ABLIM3: variants seen among roughly 807,000 people sequenced by gnomAD.
The protein encoded by ABLIM3 is actin binding LIM protein family member 3.
A neutral mutation model predicts 109.5 loss-of-function variants in ABLIM3; 61 were observed. The observed-to-expected ratio is 0.56, with a 90% CI of 0.45 to 0.69. ABLIM3 has a LOEUF of 0.69. Among genes scored for constraint, ABLIM3 ranks in the 30% least tolerant of loss-of-function variants. ABLIM3 has a pLI of 0.00. For missense variants in ABLIM3, 796 were observed against 889.5 expected, an observed-to-expected ratio of 0.89 and a Z score of 1.34; for synonymous variants, 300 against 324.8, an observed-to-expected ratio of 0.92 and a Z score of 0.82.
At chr5:149,229,655 T>C (rs966604791) in intron 8 of ABLIM3, among the ~76,000 whole-genome samples, 16 of 152,262 alleles carry the variant, frequency 1.1e-4, no homozygotes, top group Non-Finnish European at 2.1e-4. Context: ...ATCTGGATGC[T>C]CAGGAATCCA....
At chr5:149,233,172 T>C in intron 9 of ABLIM3, 57 bp from the exon 10 acceptor site, 1 of 1,530,868 alleles carries the variant, frequency 6.5e-7, no homozygotes. Context: ...TGTCTCACCC[T>C]CCCCACCAAG....
chr5:149,175,695 G>T (rs143914275), intron 2 of ABLIM3, among the ~76,000 whole-genome samples: 2 of 152,280 alleles, frequency 1.3e-5, no homozygotes, highest in East Asian at 3.9e-4. Context: ...AAGAAATAAA[G>T]AACTCTGCGA....
chr5:149,150,714 G>A (rs192346479), intron 2 of ABLIM3, among the ~76,000 whole-genome samples: 28 of 152,298 alleles, frequency 1.8e-4, no homozygotes, highest in Admixed American at 1.8e-3. Context: ...ACAACCAGAA[G>A]TATCTGAACA....
rs1231925182 is a variant in ABLIM3 at position 149,259,695 on chromosome 5, A to G, written c.*1291A>G. ...AAGCTTAACCTCTCTTCTCCTCTCC[A>G]AACCTTTCACCTTGAATGGGTAATG... On this transcript the variant is annotated 3_prime_UTR_variant, in exon 24 of 24. Coordinates refer to ENST00000309868, the MANE Select transcript of ABLIM3 (RefSeq NM_014945.5). The G allele has an allele frequency of 8.5e-7, 1 of 1,171,616 alleles. No individual in the cohort carries two copies. Among genetic ancestry groups the G allele is most frequent in the African/African-American group, 1.5e-5 (1 of 65,702 alleles). The allele number at this position is 1,171,616 out of a possible 1,614,324, so 72.6% of individuals were successfully genotyped here. A position where few individuals can be genotyped will look rare whatever the true frequency, so the allele number is the denominator to read the frequency against.
At chr5:149,231,643 T>A (rs1303007527) in intron 9 of ABLIM3, among the ~76,000 whole-genome samples, 4 of 152,224 alleles carry the variant, frequency 2.6e-5, no homozygotes, top group South Asian at 2.1e-4. Context: ...GCCCTGAATT[T>A]CTTTCCCTGT....
rs1312069301 is a variant in ABLIM3 at position 149,259,165 on chromosome 5, A to C, written c.*761A>C. ...TGGAGAACCAGAGGAAAAGAGAGGG[A>C]GCGGAAGTGGGAGATGGAGCAGGGC... On this transcript the variant is annotated 3_prime_UTR_variant, in exon 24 of 24. Coordinates refer to ENST00000309868, the MANE Select transcript of ABLIM3 (RefSeq NM_014945.5). 9.7e-7 allele frequency: 1 copy of C among 1,034,158 alleles called. No homozygotes were observed. The highest frequency in any genetic ancestry group is 1.2e-6 in the Non-Finnish European group (1 of 861,498). 64.1% of individuals were successfully genotyped at this position (1,034,158 alleles called of 1,614,324 possible).
chr5:149,146,577 T>C (rs1752945789), intron 2 of ABLIM3, among the ~76,000 whole-genome samples: 1 of 152,260 alleles, frequency 6.6e-6, no homozygotes, highest in Non-Finnish European at 1.5e-5. Flanking sequence ...AGGGAGTCTT[T>C]ACTCCATTGC....
intron 3 of ABLIM3, among the ~76,000 whole-genome samples, chr5:149,193,503 TAGAA>T (rs1345187278): frequency 7.9e-5 from 12 of 152,118 alleles, no homozygotes; most frequent in Non-Finnish European, 7.4e-5. Context: ...AATTCTCTGA[TAGAA>T]AGATAGAAAT....
At chr5:149,210,553 T>G (rs536679412) in intron 6 of ABLIM3, among the ~76,000 whole-genome samples, 173 bp from the exon 7 acceptor site, 1 of 152,352 alleles carries the variant, frequency 6.6e-6, no homozygotes. Context: ...TGTCATCTAC[T>G]GATCTGGGAG....
chr5:149,160,271 A>T (rs1390498340), intron 2 of ABLIM3, among the ~76,000 whole-genome samples: 1 of 152,072 alleles, frequency 6.6e-6, no homozygotes, highest in African/African-American at 2.4e-5. Context: ...CCTGGCCAAC[A>T]TGGTAAAACC....
chr5:149,174,476 A>G (rs1166531118), intron 2 of ABLIM3: 5 of 152,232 alleles, frequency 3.3e-5, no homozygotes, highest in African/African-American at 1.2e-4. Context: ...CTCAAAGACC[A>G]GGGGACTGAG....
chr5:149,214,607 A>G (rs1442572842), intron 7 of ABLIM3, among the ~76,000 whole-genome samples: 1 of 152,166 alleles, frequency 6.6e-6, no homozygotes, highest in East Asian at 1.9e-4. Context: ...CTGTTTCTGG[A>G]AGAAGGAGGA....
chr5:149,226,585 C>T (rs1761308193), intron 8 of ABLIM3, among the ~76,000 whole-genome samples: 1 of 152,180 alleles, frequency 6.6e-6, no homozygotes, highest in East Asian at 1.9e-4. Flanking sequence ...GTGGGAAGGG[C>T]TGGGAGTCAG....
chr5:149,149,993 A>G (rs758242472), intron 2 of ABLIM3, among the ~76,000 whole-genome samples: 3 of 152,204 alleles, frequency 2.0e-5, no homozygotes, highest in Non-Finnish European at 4.4e-5. Context: ...CCTAGTTCCA[A>G]GGAAAGAACT....
intron 7 of ABLIM3, among the ~76,000 whole-genome samples, chr5:149,211,367 G>T (rs1040955587): frequency 1.3e-5 from 2 of 152,058 alleles, no homozygotes; most frequent in African/African-American, 4.8e-5. Context: ...GCCTTGCTGA[G>T]CCCCTGTGCA....
chr5:149,181,397 A>T (rs1190802868), intron 2 of ABLIM3, among the ~76,000 whole-genome samples: 2 of 152,228 alleles, frequency 1.3e-5, no homozygotes, highest in Non-Finnish European at 2.9e-5. Flanking sequence ...AATATTTTGC[A>T]TGTATTGACC....
chr5:149,156,293 G>A (rs1055060392), intron 2 of ABLIM3, among the ~76,000 whole-genome samples: 4 of 152,162 alleles, frequency 2.6e-5, no homozygotes, highest in African/African-American at 9.7e-5. Context: ...TAGCTGTGCC[G>A]CCTTCAGAGA....
intron 8 of ABLIM3, among the ~76,000 whole-genome samples, chr5:149,228,973 C>T (rs1761577133): frequency 6.6e-6 from 1 of 152,162 alleles, no homozygotes; most frequent in Non-Finnish European, 1.5e-5. Flanking sequence ...CTTGATCTTT[C>T]CTATGTCTCT....
intron 2 of ABLIM3, among the ~76,000 whole-genome samples, chr5:149,152,732 A>C (rs1253755269): frequency 6.6e-6 from 1 of 152,132 alleles, no homozygotes; most frequent in Non-Finnish European, 1.5e-5. Context: ...TGCCTGGTCC[A>C]GTTGAGAACA....
Sources: allele counts gnomAD v4.1 joint callset (sites outside exome capture counted in the v4.1 genomes callset), GRCh38; gene constraint gnomAD v4.1.1; transcripts MANE v1.5; gene names NCBI Gene and HGNC (gene_info 2026-07-23, HGNC 2026-07-21).